Variants in LRRC3B observed in about 807,000 individuals in gnomAD.
LRRC3B encodes leucine rich repeat containing 3B.
Under a neutral mutation model 12.8 loss-of-function variants are expected in LRRC3B, and 2 were observed. That is an observed-to-expected ratio of 0.16 (90% confidence interval 0.06 to 0.49). LRRC3B has a LOEUF of 0.49. LRRC3B is among the 20% of genes least tolerant of loss of function. LRRC3B has a pLI of 0.96. For synonymous variants in LRRC3B, 132 were observed against 122.0 expected, an observed-to-expected ratio of 1.08 and a Z score of -0.54; for missense variants, 189 against 319.4, an observed-to-expected ratio of 0.59 and a Z score of 3.11.
chr3:26,663,006 G>C (rs1248779764), intron 1 of LRRC3B, among the ~76,000 whole-genome samples: 4 of 152,056 alleles, frequency 2.6e-5, no homozygotes, highest in Non-Finnish European at 5.9e-5. Context: ...TGGGCAGAAG[G>C]GAAACCAAGT....
chr3:26,643,126 A>G (rs1699066678), intron 1 of LRRC3B, among the ~76,000 whole-genome samples: 1 of 152,104 alleles, frequency 6.6e-6, no homozygotes, highest in Non-Finnish European at 1.5e-5. Flanking sequence ...AGTGACAAAG[A>G]CAATAAGGGA....
At chr3:26,676,391 G>A (rs546736200) in intron 1 of LRRC3B, among the ~76,000 whole-genome samples, 148 of 151,510 alleles carry the variant, frequency 9.8e-4, no homozygotes, top group African/African-American at 3.3e-3. Context: ...AGCTTCATCC[G>A]TGTCCCTACA....
At chr3:26,653,826 A>G (rs528976546) in intron 1 of LRRC3B, among the ~76,000 whole-genome samples, 2 of 152,214 alleles carry the variant, frequency 1.3e-5, no homozygotes, top group Admixed American at 1.3e-4. Context: ...AGTTAGCATG[A>G]CCACACAAAG....
chr3:26,661,862 C>T (rs1699499021), intron 1 of LRRC3B, among the ~76,000 whole-genome samples: 1 of 152,148 alleles, frequency 6.6e-6, no homozygotes, highest in Non-Finnish European at 1.5e-5. Flanking sequence ...GATCAACACC[C>T]AAAGTTGGTC....
At chr3:26,706,870 T>C (rs1002749944) in intron 1 of LRRC3B, among the ~76,000 whole-genome samples, 1 of 152,194 alleles carries the variant, frequency 6.6e-6, no homozygotes, top group African/African-American at 2.4e-5. Context: ...GTTTAAAATA[T>C]TTATAAAAAT....
intron 1 of LRRC3B, among the ~76,000 whole-genome samples, chr3:26,642,965 C>T (rs566609188): frequency 1.1e-4 from 17 of 149,460 alleles, no homozygotes; most frequent in African/African-American, 3.5e-4. Context: ...TGCAGAGAGC[C>T]GAGATCACAC....
intron 1 of LRRC3B, among the ~76,000 whole-genome samples, chr3:26,686,512 A>C (rs1700092279): frequency 6.6e-6 from 1 of 152,178 alleles, no homozygotes; most frequent in Admixed American, 6.5e-5. Context: ...TCTCTCCTGC[A>C]TCCCCCACCA....
intron 1 of LRRC3B, among the ~76,000 whole-genome samples, chr3:26,674,267 T>G (rs560009841): frequency 1.2e-4 from 19 of 152,344 alleles, no homozygotes; most frequent in Non-Finnish European, 2.2e-4. Context: ...AGGTTAATTA[T>G]GAATATTTGT....
chr3:26,686,919 G>C (rs965684546), intron 1 of LRRC3B, among the ~76,000 whole-genome samples: 1 of 152,156 alleles, frequency 6.6e-6, no homozygotes, highest in African/African-American at 2.4e-5. Context: ...CTCCCCCACT[G>C]GTCAGTCATT....
At chr3:26,664,726 A>G (rs1699563711) in intron 1 of LRRC3B, among the ~76,000 whole-genome samples, 1 of 151,962 alleles carries the variant, frequency 6.6e-6, no homozygotes, top group Admixed American at 6.6e-5. Flanking sequence ...GTTCTAGGAG[A>G]CAGTTTAGGT....
intron 1 of LRRC3B, among the ~76,000 whole-genome samples, chr3:26,630,688 G>T (rs1698738083): frequency 6.6e-6 from 1 of 152,158 alleles, no homozygotes; most frequent in African/African-American, 2.4e-5. Context: ...TGCCATTTAA[G>T]CTTCACAAAC....
chr3:26,678,892 T>TA (rs201287514), intron 1 of LRRC3B, among the ~76,000 whole-genome samples: 44 of 151,496 alleles, frequency 2.9e-4, no homozygotes, highest in African/African-American at 4.4e-4. Flanking sequence ...CTTTCTCATT[T>TA]AAAAAAAAAG....
chr3:26,625,411 G>T (rs964661195), intron 1 of LRRC3B: 1 of 152,262 alleles, frequency 6.6e-6, no homozygotes, highest in Non-Finnish European at 1.5e-5. Flanking sequence ...GATTCCCTGT[G>T]CGCAGGCTCC....
intron 1 of LRRC3B, among the ~76,000 whole-genome samples, chr3:26,632,657 G>A (rs1386154003): frequency 1.3e-5 from 2 of 152,064 alleles, no homozygotes; most frequent in Non-Finnish European, 2.9e-5. Context: ...CTAAGGGCAG[G>A]ATTTATAGTA....
rs867919721 is a variant in LRRC3B, at chr3:26,636,920, T to C, written c.-161+13683T>C. Among the ~76,000 whole-genome samples the C allele has an allele frequency of 1.5e-4, 7 of 46,174 alleles. 1 individual carries two copies. The South Asian group carries it at 3.7e-3, about 24-fold the overall frequency. 30.3% of individuals were successfully genotyped at this position (46,174 alleles called of 152,430 possible). ...TCTCTCTCTTTCTCTCTTTCTCTCT[T>C]TCTTTCTTTCTTTCTTTCTTTCTTT... On this transcript the variant is annotated intron_variant, in intron 1 of 1. Coordinates refer to ENST00000396641, the Ensembl canonical transcript of LRRC3B.
At chr3:26,692,915 G>T (rs1204608130) in intron 1 of LRRC3B, among the ~76,000 whole-genome samples, 1 of 152,148 alleles carries the variant, frequency 6.6e-6, no homozygotes, top group Non-Finnish European at 1.5e-5. Context: ...CATATGTTTG[G>T]AGTGTGGCTG....
chr3:26,705,618 G>T (rs1700567046), intron 1 of LRRC3B, among the ~76,000 whole-genome samples: 1 of 152,038 alleles, frequency 6.6e-6, no homozygotes, highest in Non-Finnish European at 1.5e-5. Context: ...TTCTTGCCCA[G>T]CAGCATAGCT....
chr3:26,626,939 G>T (rs1319191681), intron 1 of LRRC3B, among the ~76,000 whole-genome samples: 3 of 152,120 alleles, frequency 2.0e-5, no homozygotes, highest in African/African-American at 7.2e-5. Context: ...TCCTATCACA[G>T]GAAACATTCT....
chr3:26,649,957 T>C (rs1261826950), intron 1 of LRRC3B, among the ~76,000 whole-genome samples: 1 of 152,164 alleles, frequency 6.6e-6, no homozygotes, highest in African/African-American at 2.4e-5. Context: ...CCAGTGCAAT[T>C]TCATCTTTTT....
Sources: gnomAD v4.1 joint callset for allele counts (sites outside exome capture counted in the v4.1 genomes callset) on GRCh38, gnomAD v4.1.1 for gene constraint, MANE v1.5 for transcripts, NCBI Gene and HGNC (gene_info 2026-07-23, HGNC 2026-07-21) for gene names.